HMGCLL1: variants seen among roughly 807,000 people sequenced by gnomAD.
HMGCLL1 encodes 3-hydroxymethyl-3-methylglutaryl-CoA lyase, cytoplasmic.
A neutral mutation model predicts 39.1 loss-of-function variants in HMGCLL1; 36 were observed. That is an observed-to-expected ratio of 0.92 (90% confidence interval 0.71 to 1.22). The LOEUF (loss-of-function observed/expected upper bound fraction) is 1.22, where lower values mean the gene tolerates loss of function less well. HMGCLL1 is among the 50% of genes most tolerant of loss of function. HMGCLL1 has a pLI of 0.00. For synonymous variants in HMGCLL1, 149 were observed against 144.0 expected, an observed-to-expected ratio of 1.03 and a Z score of -0.25; for missense variants, 451 against 416.5, an observed-to-expected ratio of 1.08 and a Z score of -0.72.
chr6:55,606,190 G>T, the HMGCLL1 span, among the ~76,000 whole-genome samples: 1 of 152,072 alleles, frequency 6.6e-6, no homozygotes, highest in Non-Finnish European at 1.5e-5. Context: ...GCTACAGACA[G>T]AAGTTCACCT....
At chr6:55,553,656 T>C (rs1047989257) in intron 1 of HMGCLL1, among the ~76,000 whole-genome samples, 5 of 152,216 alleles carry the variant, frequency 3.3e-5, no homozygotes, top group East Asian at 1.9e-4. Flanking sequence ...CATTAGCACA[T>C]TGATGAGTTA....
chr6:55,581,831 C>T (rs1771991335), upstream of HMGCLL1, among the ~76,000 whole-genome samples: 1 of 151,806 alleles, frequency 6.6e-6, no homozygotes, highest in Non-Finnish European at 1.5e-5. Context: ...GCATTTTACT[C>T]ACTCAAGCAG....
At chr6:55,501,462 G>A (rs1391623663) in intron 5 of HMGCLL1, among the ~76,000 whole-genome samples, 1 of 151,786 alleles carries the variant, frequency 6.6e-6, no homozygotes, top group Non-Finnish European at 1.5e-5. Flanking sequence ...TACAGAAAAA[G>A]GTTGTCAACT....
chr6:55,632,972 G>A, the HMGCLL1 span, among the ~76,000 whole-genome samples: 1 of 152,050 alleles, frequency 6.6e-6, no homozygotes, highest in Admixed American at 6.6e-5. Flanking sequence ...ATCTCTGAGA[G>A]AACTGTCTTG....
intron 7 of HMGCLL1, among the ~76,000 whole-genome samples, chr6:55,440,318 A>G (rs759714540): frequency 9.9e-5 from 15 of 152,124 alleles, no homozygotes; most frequent in Non-Finnish European, 1.5e-4. Flanking sequence ...AGAGGGAATA[A>G]ACAATTTACC....
At chr6:55,658,553 T>A in the HMGCLL1 span, among the ~76,000 whole-genome samples, 6 of 151,998 alleles carry the variant, frequency 3.9e-5, no homozygotes, top group Non-Finnish European at 8.8e-5. Context: ...GTTACTGTAT[T>A]ATGTATATAT....
chr6:55,557,864 C>A (rs988109654), intron 1 of HMGCLL1, among the ~76,000 whole-genome samples: 1 of 152,200 alleles, frequency 6.6e-6, no homozygotes, highest in Non-Finnish European at 1.5e-5. Context: ...AAAAGTGCTT[C>A]ATGTACTTGC....
chr6:55,477,449 A>T lies in HMGCLL1; in HGVS notation c.795+17970T>A, dbSNP rs866842601. Among the ~76,000 whole-genome samples the T allele has an allele frequency of 1.2e-3, 45 of 38,780 alleles. 1 individual carries two copies. The highest frequency in any genetic ancestry group is 7.5e-3 in the South Asian group (10 of 1,334). The allele number at this position is 38,780 out of a possible 152,430, so 25.4% of individuals were successfully genotyped here. The stretch of plus-strand genomic sequence containing the variant: ...ATATATATTATATATTATATATATA[A>T]TATATTACATATAATATATAATATA... On this transcript the variant is annotated intron_variant, in intron 7 of 8. Coordinates refer to ENST00000274901, the MANE Select transcript of HMGCLL1 (RefSeq NM_001042406.2).
the HMGCLL1 span, among the ~76,000 whole-genome samples, chr6:55,650,152 T>C: frequency 1.6e-5 from 2 of 127,568 alleles, no homozygotes; most frequent in Non-Finnish European, 1.6e-5. Context: ...CACACACATA[T>C]GTATATATTT....
the HMGCLL1 span, among the ~76,000 whole-genome samples, chr6:55,596,511 G>A: frequency 6.6e-6 from 1 of 151,112 alleles, no homozygotes; most frequent in Non-Finnish European, 1.5e-5. Context: ...ATTACATGAT[G>A]TAAAAGATTT....
intron 1 of HMGCLL1, among the ~76,000 whole-genome samples, chr6:55,576,722 T>C (rs1003376297): frequency 4.6e-5 from 7 of 152,068 alleles, no homozygotes; most frequent in African/African-American, 1.7e-4. Context: ...CAGGACTCAG[T>C]GATACTTTGG....
chr6:55,492,655 C>A (rs1374607322), intron 7 of HMGCLL1, among the ~76,000 whole-genome samples: 1 of 152,190 alleles, frequency 6.6e-6, no homozygotes, highest in East Asian at 1.9e-4. Flanking sequence ...TGAACATTTT[C>A]TCAGTCACTC....
chr6:55,601,192 A>AG, the HMGCLL1 span, among the ~76,000 whole-genome samples: 2 of 152,124 alleles, frequency 1.3e-5, no homozygotes, highest in African/African-American at 4.8e-5. Flanking sequence ...GTGAGACTGC[A>AG]GGTCAATTGG....
chr6:55,599,189 C>A, the HMGCLL1 span, among the ~76,000 whole-genome samples: 4 of 146,264 alleles, frequency 2.7e-5, no homozygotes, highest in East Asian at 8.3e-4. Context: ...GTGCAGCAAA[C>A]CACCATGGCA....
At chr6:55,526,255 C>A (rs1283377413) in intron 3 of HMGCLL1, among the ~76,000 whole-genome samples, 1 of 151,952 alleles carries the variant, frequency 6.6e-6, no homozygotes, top group African/African-American at 2.4e-5. Context: ...GTCTCTGATC[C>A]TTTACATTAT....
At chr6:55,602,095 G>T in the HMGCLL1 span, among the ~76,000 whole-genome samples, 2 of 151,852 alleles carry the variant, frequency 1.3e-5, no homozygotes, top group South Asian at 4.1e-4. Flanking sequence ...TCATCTCTTA[G>T]ACGTATGTAA....
chr6:55,636,355 G>A, the HMGCLL1 span, among the ~76,000 whole-genome samples: 1 of 152,218 alleles, frequency 6.6e-6, no homozygotes, highest in Non-Finnish European at 1.5e-5. Flanking sequence ...AACTTTGAAG[G>A]TTAATATGAA....
intron 3 of HMGCLL1, among the ~76,000 whole-genome samples, chr6:55,533,885 C>CAAAAAA (rs70986727): frequency 1.4e-5 from 1 of 71,720 alleles, no homozygotes; most frequent in Admixed American, 1.8e-4. Flanking sequence ...GACTCCGTCT[C>CAAAAAA]AAAAAAAAAA....
At chr6:55,527,560 G>A (rs1386023556) in intron 3 of HMGCLL1, among the ~76,000 whole-genome samples, 1 of 151,920 alleles carries the variant, frequency 6.6e-6, no homozygotes, top group East Asian at 1.9e-4. Flanking sequence ...CAATTTAGGA[G>A]GGGGCCTCCT....
Sources: allele counts gnomAD v4.1 joint callset (sites outside exome capture counted in the v4.1 genomes callset), GRCh38; gene constraint gnomAD v4.1.1; transcripts MANE v1.5; gene names NCBI Gene and HGNC (gene_info 2026-07-23, HGNC 2026-07-21).